ZNF704: variants seen among roughly 807,000 people sequenced by gnomAD.
The protein encoded by ZNF704 is glucocorticoid induced gene 1.
ZNF704 carries 10 observed loss-of-function variants against 44.7 expected under a neutral mutation model. The observed-to-expected ratio is 0.22, with a 90% CI of 0.14 to 0.38. The LOEUF (loss-of-function observed/expected upper bound fraction) is 0.38, where lower values mean the gene tolerates loss of function less well. ZNF704 is among the 10% of genes least tolerant of loss of function. The probability of loss-of-function intolerance (pLI) is 1.00; values close to 1 mark genes in which losing one functional copy is unlikely to be tolerated. For missense variants in ZNF704, 390 were observed against 545.5 expected (o/e 0.71, Z 2.84); for synonymous variants, 211 against 207.6 (o/e 1.02, Z -0.14).
chr8:80,706,870 C>T (rs971596183), intron 2 of ZNF704, among the ~76,000 whole-genome samples: 1 of 152,250 alleles, frequency 6.6e-6, no homozygotes, highest in Non-Finnish European at 1.5e-5. Context: ...GATACCTCCA[C>T]TGTCTTACAC....
intron 1 of ZNF704, among the ~76,000 whole-genome samples, chr8:80,857,366 C>T (rs1380516914): frequency 1.3e-5 from 2 of 152,124 alleles, no homozygotes; most frequent in Non-Finnish European, 2.9e-5. Context: ...GATTCCTATA[C>T]ATATACTTTA....
chr8:80,730,775 G>A (rs1806568248), intron 2 of ZNF704, among the ~76,000 whole-genome samples: 1 of 152,030 alleles, frequency 6.6e-6, no homozygotes, highest in South Asian at 2.1e-4. Flanking sequence ...TTATACCAGG[G>A]AGAAGTTAAT....
At chr8:80,678,380 A>G (rs974821308) in intron 4 of ZNF704, among the ~76,000 whole-genome samples, 2 of 152,140 alleles carry the variant, frequency 1.3e-5, no homozygotes, top group Non-Finnish European at 2.9e-5. Flanking sequence ...TGAATATCTC[A>G]TCTCACATTT....
At chr8:80,840,815 T>A (rs1470859135) in intron 1 of ZNF704, among the ~76,000 whole-genome samples, 2 of 152,184 alleles carry the variant, frequency 1.3e-5, no homozygotes, top group African/African-American at 4.8e-5. Context: ...ATAAACACTT[T>A]TCAATTTCCA....
chr8:80,860,989 T>A (rs564256005), intron 1 of ZNF704, among the ~76,000 whole-genome samples: 1 of 152,222 alleles, frequency 6.6e-6, no homozygotes, highest in African/African-American at 2.4e-5. Context: ...CTTAGAAACT[T>A]GAAGTGGGTG....
the ZNF704 span, among the ~76,000 whole-genome samples, chr8:80,882,204 C>T: frequency 3.3e-5 from 5 of 152,310 alleles, no homozygotes; most frequent in South Asian, 2.1e-4. Context: ...GACGGCTTTA[C>T]GAAAGAGTTT....
In ZNF704 at chr8:80,731,226, T is replaced by C. The variant is rs149425401; in HGVS notation, c.222-38119A>G. Among the ~76,000 whole-genome samples, 569 of 152,304 alleles carry C rather than the reference T, an allele frequency of 3.7e-3. 3 individuals carry two copies. Among genetic ancestry groups the C allele is most frequent in the Middle Eastern group, 6.8e-3 (2 of 294 alleles). ...TGATTGGTAGATTTCTACCAATAGA[T>C]TTCTATTGGTAAATCTATTATTTAA... On this transcript the variant is annotated intron_variant, in intron 2 of 8. Transcript: ENST00000327835.
chr8:80,819,594 C>T (rs1035621523), intron 2 of ZNF704, among the ~76,000 whole-genome samples: 9 of 148,958 alleles, frequency 6.0e-5, no homozygotes, highest in Non-Finnish European at 1.0e-4. Context: ...AAATTGTTAA[C>T]ATGTCAGTTT....
At chr8:80,645,921 G>C (rs1388537017) in intron 7 of ZNF704, among the ~76,000 whole-genome samples, 1 of 152,172 alleles carries the variant, frequency 6.6e-6, no homozygotes, top group Non-Finnish European at 1.5e-5. Flanking sequence ...ATAGTATTAA[G>C]AGGTGGGGCC....
At chr8:80,733,664 T>C (rs777192911) in intron 2 of ZNF704, among the ~76,000 whole-genome samples, 4 of 152,198 alleles carry the variant, frequency 2.6e-5, no homozygotes, top group Non-Finnish European at 4.4e-5. Flanking sequence ...TACAGGGCTG[T>C]CAAAAGCCCT....
chr8:80,691,750 A>T (rs548248477), intron 3 of ZNF704, among the ~76,000 whole-genome samples: 45 of 152,268 alleles, frequency 3.0e-4, no homozygotes, highest in Non-Finnish European at 5.7e-4. Flanking sequence ...CCCTTGAATG[A>T]TCCTCAGGCA....
chr8:80,782,403 T>C (rs1172329250), intron 2 of ZNF704, among the ~76,000 whole-genome samples: 1 of 152,192 alleles, frequency 6.6e-6, no homozygotes, highest in Non-Finnish European at 1.5e-5. Context: ...GTTCAGAGGA[T>C]AAAAGGCCTC....
At chr8:80,814,536 A>G (rs1466251767) in intron 2 of ZNF704, among the ~76,000 whole-genome samples, 4 of 152,238 alleles carry the variant, frequency 2.6e-5, no homozygotes, top group African/African-American at 4.8e-5. Flanking sequence ...TAAATGGATA[A>G]AAGTTTCTTG....
At chr8:80,840,830 T>A (rs1353826204) in intron 1 of ZNF704, among the ~76,000 whole-genome samples, 2 of 152,228 alleles carry the variant, frequency 1.3e-5, no homozygotes, top group African/African-American at 4.8e-5. Context: ...TTTCCATTTT[T>A]AAACAGTACT....
In ZNF704 at chr8:80,637,779, C is replaced by T. The variant is rs534768296; in HGVS notation, c.*3587G>A. The T allele has an allele frequency of 1.3e-5, 2 of 152,384 alleles. No individual in the cohort carries two copies. Among genetic ancestry groups the T allele is most frequent in the Admixed American group, 6.5e-5 (1 of 15,310 alleles). 9.4% of individuals were successfully genotyped at this position (152,384 alleles called of 1,614,324 possible). On this transcript the variant is annotated 3_prime_UTR_variant, in exon 9 of 9. Transcript: ENST00000327835. ...GCAGCTAAGCGCACACATTCTTGGTCAGAAACCCACAGCTTTTTTCCTGAC... is the reference window on the plus strand; with the variant it reads ...GCAGCTAAGCGCACACATTCTTGGTTAGAAACCCACAGCTTTTTTCCTGAC...
intron 4 of ZNF704, 40 bp downstream of exon 4, chr8:80,687,186 A>C: frequency 6.4e-7 from 1 of 1,572,754 alleles, no homozygotes; most frequent in Non-Finnish European, 8.7e-7. Context: ...AAGCACCTTC[A>C]GGAAACTGAA....
chr8:80,729,965 G>A (rs1164956533), intron 2 of ZNF704, among the ~76,000 whole-genome samples: 1 of 152,074 alleles, frequency 6.6e-6, no homozygotes, highest in Non-Finnish European at 1.5e-5. Flanking sequence ...CCGTGTGCTT[G>A]CCACATGTCT....
chr8:80,878,101 G>A (rs956511421), upstream of ZNF704, among the ~76,000 whole-genome samples: 15 of 152,156 alleles, frequency 9.9e-5, no homozygotes, highest in African/African-American at 3.6e-4. Context: ...ACGAGAGTAG[G>A]CTTTGGAGTG....
At chr8:80,839,091 C>T (rs1808633319) in intron 1 of ZNF704, among the ~76,000 whole-genome samples, 2 of 152,206 alleles carry the variant, frequency 1.3e-5, no homozygotes, top group Non-Finnish European at 1.5e-5. Context: ...TCCCACCCCA[C>T]TCACTGCATT....
Sources: allele counts gnomAD v4.1 joint callset (sites outside exome capture counted in the v4.1 genomes callset), GRCh38; gene constraint gnomAD v4.1.1; transcripts MANE v1.5; gene names NCBI Gene and HGNC (gene_info 2026-07-23, HGNC 2026-07-21).